Variants in APBA2 observed in about 807,000 individuals in gnomAD.
The protein encoded by APBA2 is amyloid-beta A4 precursor protein-binding family A member 2.
Under a neutral mutation model 75.0 loss-of-function variants are expected in APBA2, and 30 were observed. The observed-to-expected ratio is 0.40, with a 90% CI of 0.30 to 0.54. The LOEUF (loss-of-function observed/expected upper bound fraction) is 0.54, where lower values mean the gene tolerates loss of function less well. APBA2 is among the 20% of genes least tolerant of loss of function. The pLI, the probability that APBA2 is intolerant of heterozygous loss-of-function variation, is 0.49. For missense variants in APBA2, 801 were observed against 1,016.1 expected (o/e 0.79, Z 2.88); for synonymous variants, 444 against 409.6 (o/e 1.08, Z -1.01).
intron 1 of APBA2, among the ~76,000 whole-genome samples, chr15:28,892,413 T>C (rs1361219604): frequency 6.6e-6 from 1 of 152,230 alleles, no homozygotes; most frequent in African/African-American, 2.4e-5. Context: ...ACTGTGCCTT[T>C]TCTATGTTTA....
At chr15:29,037,177 A>G (rs2040793710) in intron 3 of APBA2, among the ~76,000 whole-genome samples, 2 of 152,250 alleles carry the variant, frequency 1.3e-5, no homozygotes, top group South Asian at 4.1e-4. Context: ...ATCATTTATC[A>G]AAGTGATTGA....
chr15:28,942,909 A>G (rs1595521588), intron 2 of APBA2, among the ~76,000 whole-genome samples: 1 of 151,732 alleles, frequency 6.6e-6, no homozygotes, highest in Non-Finnish European at 1.5e-5. Context: ...CCCCTGAGCG[A>G]CTCTGCTCCT....
Position 28,983,245 on chromosome 15 carries a change from T to C in APBA2, c.-94-12508T>C, listed in dbSNP as rs556190645. ...CTGGGTGCTTCAGTCAGCCGTCACG[T>C]TGGGGAGGCGTCATGTAAGGTGGTC... On this transcript the variant is annotated intron_variant, in intron 2 of 14. Coordinates refer to ENST00000683413, the MANE Select transcript of APBA2 (RefSeq NM_001353788.2). Among the ~76,000 whole-genome samples the C allele has an allele frequency of 1.1e-3, 166 of 152,240 alleles. 1 individual carries two copies. Among genetic ancestry groups the C allele is most frequent in the Middle Eastern group, 3.4e-3 (1 of 294 alleles).
intron 1 of APBA2, among the ~76,000 whole-genome samples, chr15:28,905,331 A>G (rs921026080): frequency 2.6e-5 from 4 of 152,204 alleles, no homozygotes; most frequent in African/African-American, 9.7e-5. Context: ...ATTCCCCGCA[A>G]TTGGACTTTG....
chr15:28,995,564 TA>T (rs774774925), intron 2 of APBA2, among the ~76,000 whole-genome samples, 188 bp from the exon 3 acceptor site: 79 of 152,322 alleles, frequency 5.2e-4, no homozygotes, highest in Non-Finnish European at 9.3e-4. Flanking sequence ...GATGAATGGC[TA>T]AAGAAACATT....
intron 2 of APBA2, among the ~76,000 whole-genome samples, chr15:28,950,812 C>T (rs2035826208): frequency 6.6e-6 from 1 of 152,090 alleles, no homozygotes; most frequent in Non-Finnish European, 1.5e-5. Context: ...ATCTATTCTC[C>T]CCCATTTATT....
At chr15:29,031,757 G>T (rs929007190) in intron 3 of APBA2, among the ~76,000 whole-genome samples, 1 of 152,142 alleles carries the variant, frequency 6.6e-6, no homozygotes, top group African/African-American at 2.4e-5. Context: ...TTTTTACAGA[G>T]TGCTAATTGG....
At chr15:29,051,806 G>A (rs1343473496) in intron 3 of APBA2, among the ~76,000 whole-genome samples, 2 of 152,092 alleles carry the variant, frequency 1.3e-5, no homozygotes, top group Non-Finnish European at 2.9e-5. Flanking sequence ...CAAGATGAGA[G>A]CCCGGGCAGT....
chr15:29,002,294 C>T (rs1202332099), intron 3 of APBA2, among the ~76,000 whole-genome samples: 1 of 152,188 alleles, frequency 6.6e-6, no homozygotes, highest in African/African-American at 2.4e-5. Flanking sequence ...CTAAGTCTTC[C>T]AGAGTCATAG....
At chr15:29,037,360 A>G (rs1368546464) in intron 3 of APBA2, among the ~76,000 whole-genome samples, 2 of 152,126 alleles carry the variant, frequency 1.3e-5, no homozygotes, top group Non-Finnish European at 2.9e-5. Context: ...CACCGTGTAC[A>G]GAAAGTTAAA....
intron 2 of APBA2, among the ~76,000 whole-genome samples, chr15:28,934,310 G>C (rs1015615339): frequency 6.6e-6 from 1 of 152,162 alleles, no homozygotes; most frequent in Non-Finnish European, 1.5e-5. Flanking sequence ...GTGGACTCCT[G>C]TCTGCAGGTG....
At chr15:28,982,156 G>A (rs527421684) in intron 2 of APBA2, among the ~76,000 whole-genome samples, 3 of 152,144 alleles carry the variant, frequency 2.0e-5, no homozygotes, top group Non-Finnish European at 4.4e-5. Context: ...GTAAAATAAA[G>A]GTTGAAATTA....
intron 2 of APBA2, among the ~76,000 whole-genome samples, chr15:28,945,260 A>G (rs2035479968): frequency 6.6e-6 from 1 of 151,924 alleles, no homozygotes. Flanking sequence ...GTCAGAAGCA[A>G]TGTAAGTCAA....
chr15:28,909,391 C>T (rs2033312750), intron 1 of APBA2, among the ~76,000 whole-genome samples: 1 of 152,218 alleles, frequency 6.6e-6, no homozygotes, highest in African/African-American at 2.4e-5. Flanking sequence ...GCTTCTTTCA[C>T]TTCGCGTGAC....
At chr15:28,952,785 T>C (rs2035958430) in intron 2 of APBA2, among the ~76,000 whole-genome samples, 1 of 152,226 alleles carries the variant, frequency 6.6e-6, no homozygotes, top group Admixed American at 6.5e-5. Context: ...TTTCATTAAC[T>C]GAGACATTTT....
chr15:29,010,111 T>A (rs945239248), intron 3 of APBA2, among the ~76,000 whole-genome samples: 1 of 152,184 alleles, frequency 6.6e-6, no homozygotes, highest in Non-Finnish European at 1.5e-5. Context: ...CATGGTGGGA[T>A]CCTCTGGTAT....
At chr15:28,946,724 C>T (rs2035571412) in intron 2 of APBA2, among the ~76,000 whole-genome samples, 1 of 152,126 alleles carries the variant, frequency 6.6e-6, no homozygotes, top group Admixed American at 6.6e-5. Context: ...GATACAGGCA[C>T]ATGCCACCAT....
intron 7 of APBA2, 53 bp from the exon 8 acceptor site, chr15:29,094,223 GCA>G: frequency 3.8e-6 from 6 of 1,594,568 alleles, no homozygotes; most frequent in East Asian, 2.2e-5. Flanking sequence ...ATAACCTCAC[GCA>G]CCTTCCTTCT....
intron 6 of APBA2, among the ~76,000 whole-genome samples, chr15:29,092,410 C>A (rs2043621269): frequency 6.6e-6 from 1 of 152,138 alleles, no homozygotes; most frequent in Non-Finnish European, 1.5e-5. Context: ...GGGTCCAGTC[C>A]CTCAGCTGCA....
Sources: gnomAD v4.1 joint callset for allele counts (sites outside exome capture counted in the v4.1 genomes callset) on GRCh38, gnomAD v4.1.1 for gene constraint, MANE v1.5 for transcripts, NCBI Gene and HGNC (gene_info 2026-07-23, HGNC 2026-07-21) for gene names.